Variants in PTPRD observed in about 807,000 individuals in gnomAD.
PTPRD encodes the protein receptor-type tyrosine-protein phosphatase delta.
PTPRD carries 34 observed loss-of-function variants against 214.5 expected under a neutral mutation model. That is an observed-to-expected ratio of 0.16 (90% CI 0.12 to 0.21). The LOEUF is 0.21. PTPRD is among the 10% of genes least tolerant of loss of function. PTPRD has a pLI of 1.00. For missense variants in PTPRD, 2,545 were observed against 2,398.7 expected (o/e 1.06, Z -1.27); for synonymous variants, 1,128 against 845.7 (o/e 1.33, Z -5.79).
intron 10 of PTPRD, among the ~76,000 whole-genome samples, chr9:9,108,000 T>C (rs1277525256): frequency 2.6e-5 from 4 of 152,160 alleles, no homozygotes; most frequent in Non-Finnish European, 5.9e-5. Flanking sequence ...TTAATATTGC[T>C]TTCTTCCTTT....
At position 10,394,143 on chromosome 9, in the gene PTPRD, G is replaced by GATATCTAT. The variant is rs1565754238; in HGVS notation, c.-599-53134_-599-53127dup. On this transcript the variant is annotated intron_variant, in intron 2 of 45. Transcript: ENST00000381196. ...ATATACATATATATCTTTATATAAAGATATCTATATATATAGATATATATA... is the reference window on the plus strand; with the variant it reads ...ATATACATATATATCTTTATATAAAGATATCTATATATCTATATATATAGATATATATA... Among the ~76,000 whole-genome samples the GATATCTAT allele has an allele frequency of 9.2e-3, 1,278 of 138,438 alleles. 41 individuals are homozygous for GATATCTAT. Among genetic ancestry groups the GATATCTAT allele is most frequent in the African/African-American group, 0.032 (1,199 of 37,684 alleles). 90.8% of individuals were successfully genotyped at this position (138,438 alleles called of 152,430 possible).
At chr9:8,403,640 G>T (rs7876037) in intron 36 of PTPRD, among the ~76,000 whole-genome samples, 107,391 of 152,082 alleles carry the variant, frequency 0.71, 38,633 homozygotes, top group African/African-American at 0.85. Flanking sequence ...GCTGGATAGA[G>T]TTGAGGAGCA....
chr9:9,151,233 T>C (rs978802610), intron 10 of PTPRD, among the ~76,000 whole-genome samples: 1 of 152,182 alleles, frequency 6.6e-6, no homozygotes, highest in Non-Finnish European at 1.5e-5. Flanking sequence ...AGGTTTTTGT[T>C]TGGGCATCTC....
chr9:9,290,703 A>C, intron 9 of PTPRD, among the ~76,000 whole-genome samples: 1 of 151,626 alleles, frequency 6.6e-6, no homozygotes, highest in East Asian at 1.9e-4. Context: ...CATGAACAAC[A>C]AAATATTTTG....
intron 10 of PTPRD, among the ~76,000 whole-genome samples, chr9:9,061,075 G>A (rs1183192823): frequency 1.3e-5 from 2 of 152,134 alleles, no homozygotes; most frequent in African/African-American, 4.8e-5. Context: ...TAGCCTTTAG[G>A]ACAGCGGTTA....
intron 9 of PTPRD, among the ~76,000 whole-genome samples, chr9:9,327,808 G>A (rs1033490279): frequency 1.3e-5 from 2 of 151,774 alleles, no homozygotes; most frequent in Admixed American, 6.6e-5. Context: ...TGTACATCAC[G>A]GGTGTCCAAT....
intron 12 of PTPRD, among the ~76,000 whole-genome samples, chr9:8,677,788 C>T (rs1310810312): frequency 6.6e-6 from 1 of 152,108 alleles, no homozygotes; most frequent in East Asian, 1.9e-4. Flanking sequence ...GTAGTACTCC[C>T]TAAATTATTA....
chr9:8,601,612 CT>C (rs552597538), intron 14 of PTPRD, among the ~76,000 whole-genome samples: 310 of 152,232 alleles, frequency 2.0e-3, no homozygotes, highest in African/African-American at 7.0e-3. Flanking sequence ...ATGCACAGAA[CT>C]TTTCTGGAGC....
intron 8 of PTPRD, among the ~76,000 whole-genome samples, chr9:9,492,713 T>C (rs943560960): frequency 1.3e-5 from 2 of 151,592 alleles, no homozygotes; most frequent in South Asian, 2.1e-4. Context: ...TTTATTGCAC[T>C]TCACAGATTT....
intron 9 of PTPRD, among the ~76,000 whole-genome samples, chr9:9,369,892 G>C (rs1596494478): frequency 6.6e-6 from 1 of 152,026 alleles, no homozygotes; most frequent in Admixed American, 6.6e-5. Flanking sequence ...GCTTGTTTTT[G>C]TCAGGTTTGT....
chr9:10,552,954 G>A (rs929218577), intron 2 of PTPRD, among the ~76,000 whole-genome samples: 3 of 152,150 alleles, frequency 2.0e-5, no homozygotes, highest in Non-Finnish European at 4.4e-5. Context: ...TAGTAGTCTT[G>A]ATGATGGAGT....
At chr9:8,384,936 C>G (rs2086467622) in intron 37 of PTPRD, among the ~76,000 whole-genome samples, 1 of 152,138 alleles carries the variant, frequency 6.6e-6, no homozygotes, top group African/African-American at 2.4e-5. Flanking sequence ...AAAGAGTCTT[C>G]TCAGTTAAGA....
At chr9:8,603,646 A>T (rs2095015354) in intron 14 of PTPRD, among the ~76,000 whole-genome samples, 1 of 152,188 alleles carries the variant, frequency 6.6e-6, no homozygotes, top group Non-Finnish European at 1.5e-5. Flanking sequence ...CGATTAATCA[A>T]CTTAGAATAT....
chr9:10,293,723 C>G (rs895280161), intron 3 of PTPRD, among the ~76,000 whole-genome samples: 14 of 152,012 alleles, frequency 9.2e-5, no homozygotes, highest in Middle Eastern at 3.4e-3. Context: ...TTAAGTTATA[C>G]TCCTTGGGGA....
chr9:8,431,578 A>G (rs1221586189), intron 35 of PTPRD, among the ~76,000 whole-genome samples: 1 of 152,192 alleles, frequency 6.6e-6, no homozygotes, highest in Admixed American at 6.5e-5. Context: ...AATTTTAAAT[A>G]TACTAGTCTA....
chr9:9,130,840 T>G (rs2154474201), intron 10 of PTPRD, among the ~76,000 whole-genome samples: 1 of 152,266 alleles, frequency 6.6e-6, no homozygotes, highest in South Asian at 2.1e-4. Context: ...TTTAGGATGG[T>G]TAGCATCGTA....
At chr9:10,485,802 A>T (rs984232788) in intron 2 of PTPRD, among the ~76,000 whole-genome samples, 1 of 152,072 alleles carries the variant, frequency 6.6e-6, no homozygotes, top group Admixed American at 6.6e-5. Flanking sequence ...TATCGTTTGC[A>T]GACAAGAATA....
At chr9:8,975,845 A>G (rs1330367702) in intron 11 of PTPRD, among the ~76,000 whole-genome samples, 1 of 151,538 alleles carries the variant, frequency 6.6e-6, no homozygotes, top group Non-Finnish European at 1.5e-5. Flanking sequence ...TAAATGATAA[A>G]TTTTCTCTAT....
At position 8,998,031 on chromosome 9, in the gene PTPRD, T is replaced by C. The variant is rs1303627578; in HGVS notation, c.-104+20666A>G. 2.0e-5 allele frequency among the ~76,000 whole-genome samples: 3 copies of C among 151,966 alleles called. No homozygotes were observed. In the East Asian group the frequency reaches 5.8e-4, roughly 29 times the overall value. ...AAGAAAAGTTGGAATCTAGCAGAAG[T>C]TGGTTCATGAGTTTTAAAAAAAAAG... On this transcript the variant is annotated intron_variant, in intron 11 of 45. Transcript: ENST00000381196.
Sources: gnomAD v4.1 joint callset for allele counts (sites outside exome capture counted in the v4.1 genomes callset) on GRCh38, gnomAD v4.1.1 for gene constraint, MANE v1.5 for transcripts, NCBI Gene and HGNC (gene_info 2026-07-23, HGNC 2026-07-21) for gene names.